Variants in DLGAP1 observed in about 807,000 individuals in gnomAD.
The protein encoded by DLGAP1 is disks large-associated protein 1.
DLGAP1 carries 11 observed loss-of-function variants against 90.8 expected under a neutral mutation model. That is an observed-to-expected ratio of 0.12 (90% CI 0.08 to 0.20). The LOEUF (loss-of-function observed/expected upper bound fraction) is 0.20, where lower values mean the gene tolerates loss of function less well. Ranked by LOEUF, DLGAP1 falls within the 10% of genes least tolerant of loss-of-function variation. The probability of loss-of-function intolerance (pLI) is 1.00; values close to 1 mark genes in which losing one functional copy is unlikely to be tolerated. For synonymous variants in DLGAP1, 558 were observed against 540.7 expected (o/e 1.03, Z -0.44); for missense variants, 1,050 against 1,333.8 (o/e 0.79, Z 3.31).
chr18:3,983,971 G>C (rs2073790036), intron 3 of DLGAP1: 1 of 152,132 alleles, frequency 6.6e-6, no homozygotes, highest in African/African-American at 2.4e-5. Flanking sequence ...CAGGCACAGA[G>C]AGCCTATCTG....
intron 7 of DLGAP1, among the ~76,000 whole-genome samples, chr18:3,584,604 T>C (rs2055763610): frequency 1.3e-5 from 2 of 152,090 alleles, no homozygotes; most frequent in Non-Finnish European, 2.9e-5. Context: ...CAAGCAAATG[T>C]CTCATTACAA....
At chr18:3,842,700 TAAAAA>T (rs918326079) in intron 4 of DLGAP1, among the ~76,000 whole-genome samples, 3 of 151,442 alleles carry the variant, frequency 2.0e-5, no homozygotes, top group African/African-American at 7.3e-5. Flanking sequence ...GTTTCAGCGT[TAAAAA>T]AAAGCATAGA....
intron 3 of DLGAP1, among the ~76,000 whole-genome samples, chr18:3,959,542 C>G (rs2073152845): frequency 6.6e-6 from 1 of 152,078 alleles, no homozygotes; most frequent in East Asian, 1.9e-4. Context: ...TGTCGCGTGT[C>G]TGTGATCCCA....
intron 1 of DLGAP1, among the ~76,000 whole-genome samples, chr18:4,369,815 T>TA (rs11387946): frequency 0.12 from 9,028 of 74,546 alleles, 533 homozygotes; most frequent in East Asian, 0.28. Context: ...AAAGTCTTAG[T>TA]AAAAAAAAAA....
intron 1 of DLGAP1, among the ~76,000 whole-genome samples, chr18:4,258,196 C>T (rs911383844): frequency 6.6e-6 from 1 of 152,136 alleles, no homozygotes; most frequent in Non-Finnish European, 1.5e-5. Context: ...GCCACTACGC[C>T]TGGCTAATTT....
intron 3 of DLGAP1, among the ~76,000 whole-genome samples, chr18:3,955,770 A>G (rs1227810331): frequency 6.6e-6 from 1 of 152,180 alleles, no homozygotes; most frequent in Non-Finnish European, 1.5e-5. Flanking sequence ...ACCCAATTGA[A>G]CATCTAGAGA....
chr18:3,596,998 G>C, intron 7 of DLGAP1: 1 of 520,056 alleles, frequency 1.9e-6, no homozygotes, highest in Non-Finnish European at 3.8e-6. Flanking sequence ...CTCCCCCACA[G>C]GCTCTCGGCA....
At chr18:4,368,652 C>T (rs2081837339) in intron 1 of DLGAP1, among the ~76,000 whole-genome samples, 1 of 149,818 alleles carries the variant, frequency 6.7e-6, no homozygotes, top group Admixed American at 6.7e-5. Flanking sequence ...CACACACACA[C>T]ACACACACAC....
chr18:3,522,295 C>T (rs372497463), intron 10 of DLGAP1, among the ~76,000 whole-genome samples: 21 of 151,926 alleles, frequency 1.4e-4, no homozygotes, highest in East Asian at 5.8e-4. Flanking sequence ...TGCCACCACG[C>T]CCAGCTAATT....
At chr18:4,309,372 T>G (rs1020397803) in intron 1 of DLGAP1, among the ~76,000 whole-genome samples, 1 of 152,070 alleles carries the variant, frequency 6.6e-6, no homozygotes, top group South Asian at 2.1e-4. Flanking sequence ...AGTTTTAAAA[T>G]GCTGAGGGAG....
chr18:4,380,348 C>A (rs1457833741), intron 1 of DLGAP1, among the ~76,000 whole-genome samples: 2 of 152,128 alleles, frequency 1.3e-5, no homozygotes, highest in African/African-American at 4.8e-5. Flanking sequence ...GCCAATTTAA[C>A]AAGGACTAGA....
chr18:4,026,564 G>A (rs2074702449), intron 2 of DLGAP1, among the ~76,000 whole-genome samples: 1 of 152,126 alleles, frequency 6.6e-6, no homozygotes, highest in Non-Finnish European at 1.5e-5. Context: ...TCTTTCTATA[G>A]CACTATCTAT....
chr18:4,346,951 T>C (rs1417287991), intron 1 of DLGAP1, among the ~76,000 whole-genome samples: 2 of 151,810 alleles, frequency 1.3e-5, no homozygotes, highest in Non-Finnish European at 2.9e-5. Context: ...AAACAAACCA[T>C]TGGTAACCTT....
At chr18:4,143,548 T>C (rs2076530927) in intron 2 of DLGAP1, among the ~76,000 whole-genome samples, 1 of 151,852 alleles carries the variant, frequency 6.6e-6, no homozygotes, top group African/African-American at 2.4e-5. Flanking sequence ...GGTCCAGAAA[T>C]GCCAGTCAAG....
At chr18:3,827,429 T>C (rs1402369350) in intron 4 of DLGAP1, among the ~76,000 whole-genome samples, 4 of 152,204 alleles carry the variant, frequency 2.6e-5, no homozygotes, top group Non-Finnish European at 5.9e-5. Context: ...TACTGTCACA[T>C]TGACTTCTTC....
intron 1 of DLGAP1, among the ~76,000 whole-genome samples, chr18:4,233,637 T>C (rs1046469627): frequency 2.6e-5 from 4 of 152,136 alleles, no homozygotes; most frequent in Admixed American, 1.3e-4. Context: ...AGTCATTAAG[T>C]TTGGCCAACA....
At chr18:3,847,546 G>T (rs1226633252) in intron 4 of DLGAP1, among the ~76,000 whole-genome samples, 3 of 152,096 alleles carry the variant, frequency 2.0e-5, no homozygotes, top group Non-Finnish European at 4.4e-5. Context: ...GAAGACAGAG[G>T]AGAATAAGAT....
At chr18:3,800,558 T>C (rs1342193894) in intron 5 of DLGAP1, among the ~76,000 whole-genome samples, 1 of 152,218 alleles carries the variant, frequency 6.6e-6, no homozygotes, top group East Asian at 1.9e-4. Context: ...AAAGAAAGTT[T>C]AGACATGGGT....
At chr18:4,451,529 A>G (rs1282765704) in intron 1 of DLGAP1, among the ~76,000 whole-genome samples, 1 of 152,234 alleles carries the variant, frequency 6.6e-6, no homozygotes, top group Non-Finnish European at 1.5e-5. Context: ...GTGGTAATGC[A>G]ATGTTTTAGA....
Sources: allele counts gnomAD v4.1 joint callset (sites outside exome capture counted in the v4.1 genomes callset), GRCh38; gene constraint gnomAD v4.1.1; transcripts MANE v1.5; gene names NCBI Gene and HGNC (gene_info 2026-07-23, HGNC 2026-07-21).